The following MYOM3 variants were observed in gnomAD, a reference collection of about 807,000 sequenced individuals.
The protein encoded by MYOM3 is myomesin-3.
Under a neutral mutation model 191.7 loss-of-function variants are expected in MYOM3, and 155 were observed. The ratio of observed to expected loss-of-function variants is 0.81; its 90% CI spans 0.71 to 0.92. The LOEUF is 0.92. Ranked by LOEUF, MYOM3 falls within the 40% of genes least tolerant of loss-of-function variation. MYOM3 has a pLI of 0.00. For missense variants in MYOM3, 1,889 were observed against 1,890.6 expected, an observed-to-expected ratio of 1.00 and a Z score of 0.02; for synonymous variants, 757 against 762.9, an observed-to-expected ratio of 0.99 and a Z score of 0.13.
chr1:24,086,866 CCCAGACCGG>C (rs1482452819), intron 14 of MYOM3, 39 bp from the exon 15 acceptor site: 7 of 1,592,778 alleles, frequency 4.4e-6, no homozygotes, highest in Non-Finnish European at 6.0e-6. Flanking sequence ...TAACTGGTCG[CCCAGACCGG>C]CTCTGTGCTG....
At chr1:24,089,833 C>A (rs1643793331) in intron 13 of MYOM3, among the ~76,000 whole-genome samples, 168 bp from the exon 14 acceptor site, 1 of 152,180 alleles carries the variant, frequency 6.6e-6, no homozygotes. Context: ...GGGCTAGAAC[C>A]CAGGTCTCCC....
chr1:24,086,087 T>A (rs1269678757), intron 15 of MYOM3, among the ~76,000 whole-genome samples: 1 of 152,126 alleles, frequency 6.6e-6, no homozygotes, highest in Admixed American at 6.5e-5. Context: ...AGGATGCAGT[T>A]GCAGTTGGGA....
At chr1:24,081,194 G>T in intron 19 of MYOM3, 136 bp downstream of exon 19, 1 of 1,132,718 alleles carries the variant, frequency 8.8e-7, no homozygotes, top group South Asian at 1.7e-5. Context: ...GTTTGTGCAA[G>T]GGCCAGGGGC....
In MYOM3 at chr1:24,094,858, C is replaced by T. The variant is rs757482804; in HGVS notation, c.923G>A (p.Arg308Gln). ...VLDAESIQWF[R>Q]DGSLLRSSRR... Reference sequence around the variant, plus strand: ...CCAGGACTGGGGGTCCTTACCATCTCGGAACCACTGGATGCTCTCAGCATC... The same window carrying T: ...CCAGGACTGGGGGTCCTTACCATCTTGGAACCACTGGATGCTCTCAGCATC... Residue 308 changes from arginine (R) to glutamine (Q), a missense_variant, in exon 9 of 37, where the codon CGA becomes CAA. Physicochemically the swap from Arg to Gln is conservative, Grantham distance 43 (BLOSUM62 1). Transcript: ENST00000374434. The T allele has an allele frequency of 8.7e-6, 14 of 1,611,390 alleles. No individual in the cohort carries two copies. Among genetic ancestry groups the T allele is most frequent in the African/African-American group, 4.0e-5 (3 of 74,894 alleles).
At chr1:24,058,077 G>T (rs1038544099) in intron 36 of MYOM3, among the ~76,000 whole-genome samples, 5 of 152,168 alleles carry the variant, frequency 3.3e-5, no homozygotes, top group African/African-American at 1.2e-4. Flanking sequence ...AAAGTGCTGG[G>T]ATTACAGGCG....
chr1:24,073,657 G>A (rs1189096070), intron 23 of MYOM3, among the ~76,000 whole-genome samples: 1 of 152,142 alleles, frequency 6.6e-6, no homozygotes, highest in African/African-American at 2.4e-5. Context: ...GAGGTCAGGA[G>A]ATTGAGACCA....
At chr1:24,095,032 G>T in intron 8 of MYOM3, 42 bp from the exon 9 acceptor site, 2 of 1,595,022 alleles carry the variant, frequency 1.3e-6, no homozygotes, top group East Asian at 4.5e-5. Context: ...TTTTGAGGCA[G>T]CCAGCCTGGC....
chr1:24,090,953 G>A lies in MYOM3; in HGVS notation c.1276C>T (p.Pro426Ser). Reference sequence around the variant, plus strand: ...ATTGGGCACCGACAAGTCCCTCCGGGGGCCTCATGGCAGGCGATCCATTCC... The same window carrying A: ...ATTGGGCACCGACAAGTCCCTCCGGAGGCCTCATGGCAGGCGATCCATTCC... ...SGEWIACHEA[P>S]GGTCRCPIQG... Residue 426 changes from proline (P) to serine (S), a missense_variant, in exon 12 of 37, where the codon CCC (proline) becomes TCC (serine). Coordinates refer to ENST00000374434, the MANE Select transcript of MYOM3 (RefSeq NM_152372.4). 6.2e-7 allele frequency: 1 copy of A among 1,614,042 alleles called. No homozygotes were observed. Among genetic ancestry groups the A allele is most frequent in the Non-Finnish European group, 8.5e-7 (1 of 1,179,986 alleles).
At chr1:24,072,328 C>CA (rs1643542281) in intron 23 of MYOM3, among the ~76,000 whole-genome samples, 1 of 152,178 alleles carries the variant, frequency 6.6e-6, no homozygotes, top group African/African-American at 2.4e-5. Context: ...GCATATACTT[C>CA]ATTAGTCCTC....
chr1:24,063,016 C>T lies in MYOM3; in HGVS notation c.3770+110G>A, dbSNP rs1643390385. The T allele has an allele frequency of 1.6e-6, 1 of 626,870 alleles. No individual in the cohort carries two copies. 38.8% of individuals were successfully genotyped at this position (626,870 alleles called of 1,614,324 possible). ...CTGGGACCAGGCTCTGCTTGGGGGA[C>T]CAGAAACTCTGCTTGGAGGACCAGG... On this transcript the variant is annotated intron_variant, in intron 32 of 36. Coordinates refer to ENST00000374434, the MANE Select transcript of MYOM3 (RefSeq NM_152372.4). This position sits in a 1 kb window ranked among gnomAD's most constrained non-coding sequence, Gnocchi z 4.5.
At position 24,105,912 on chromosome 1, in the gene MYOM3, C is replaced by A; in HGVS notation, c.560+8G>T. Reference sequence around the variant, plus strand: ...GGCCCAGAACCCCTTCCTGCCCCAGCGGCTTACCAGGTGACCTGGGGTGGT... The same window carrying A: ...GGCCCAGAACCCCTTCCTGCCCCAGAGGCTTACCAGGTGACCTGGGGTGGT... On this transcript the variant is annotated splice_region_variant and intron_variant, in intron 5 of 36. Coordinates refer to ENST00000374434, the MANE Select transcript of MYOM3 (RefSeq NM_152372.4). 1 of 1,594,602 alleles carries A rather than the reference C, an allele frequency of 6.3e-7. No homozygotes were observed. Among genetic ancestry groups the A allele is most frequent in the Non-Finnish European group, 8.6e-7 (1 of 1,169,342 alleles).
In MYOM3 at chr1:24,086,648, C is replaced by T. The variant is rs201240673; in HGVS notation, c.1794G>A (p.Pro598=). ...EPSEPIALRG[P]PATLPPPAQV... Reference sequence around the variant, plus strand: ...CCCCCGGCATCAGGAGGGTACCTGGCGGGCCCCGCAAGGCGATGGGTTCGC... The same window carrying T: ...CCCCCGGCATCAGGAGGGTACCTGGTGGGCCCCGCAAGGCGATGGGTTCGC... The change falls in exon 15 of 37, where the codon CCG becomes CCA. Residue 598 remains proline, a synonymous_variant. Coordinates refer to ENST00000374434, the MANE Select transcript of MYOM3 (RefSeq NM_152372.4). 2.0e-4 allele frequency: 318 copies of T among 1,613,004 alleles called. No homozygotes were observed. In the African/African-American group the frequency reaches 3.1e-3, roughly 16 times the overall value.
In MYOM3 at chr1:24,067,014, G is replaced by T; in HGVS notation, c.3423+7C>A. On this transcript the variant is annotated splice_region_variant and intron_variant, in intron 28 of 36. Coordinates refer to ENST00000374434, the MANE Select transcript of MYOM3 (RefSeq NM_152372.4). ...TGGGCCTGGGGGCAGGGCAGGGCAGGACTTGCCTTGCACGTCAGCTGCACT... is the reference window on the plus strand; with the variant it reads ...TGGGCCTGGGGGCAGGGCAGGGCAGTACTTGCCTTGCACGTCAGCTGCACT... 1 of 1,565,008 alleles carries T rather than the reference G, an allele frequency of 6.4e-7. No individual in the cohort carries two copies. The highest frequency in any genetic ancestry group is 8.7e-7 in the Non-Finnish European group (1 of 1,153,312).
rs749319504 is a variant in MYOM3, at chr1:24,090,935, A to C, written c.1294T>G (p.Cys432Gly). The change falls in exon 12 of 37, where the codon TGC (cysteine) becomes GGC (glycine). Residue 432 changes from cysteine to glycine, a missense_variant. Coordinates refer to ENST00000374434, the MANE Select transcript of MYOM3 (RefSeq NM_152372.4). Reference protein sequence around the residue: ...CHEAPGGTCRCPIQGLVEGQS... With the variant: ...CHEAPGGTCRGPIQGLVEGQS... ...CCTTCGACGAGGCCTTGGATTGGGCACCGACAAGTCCCTCCGGGGGCCTCA... is the reference window on the plus strand; with the variant it reads ...CCTTCGACGAGGCCTTGGATTGGGCCCCGACAAGTCCCTCCGGGGGCCTCA... 46 of 1,613,978 alleles carry C rather than the reference A, an allele frequency of 2.9e-5. No homozygotes were observed. The highest frequency in any genetic ancestry group is 3.4e-5 in the Non-Finnish European group (40 of 1,180,012).
intron 1 of MYOM3, among the ~76,000 whole-genome samples, chr1:24,109,534 T>C (rs1188283355): frequency 2.0e-5 from 3 of 152,254 alleles, no homozygotes; most frequent in Non-Finnish European, 4.4e-5. Flanking sequence ...CAGACAATGC[T>C]TTCTCTATGT....
intron 24 of MYOM3, 76 bp from the exon 25 acceptor site, chr1:24,071,329 G>T (rs184810997): frequency 3.9e-4 from 590 of 1,513,590 alleles, no homozygotes; most frequent in Non-Finnish European, 5.1e-4. Context: ...CCCACCTTGA[G>T]CACACCCTTG....
chr1:24,105,797 G>A (rs373733931), intron 5 of MYOM3, 123 bp downstream of exon 5: 35 of 986,180 alleles, frequency 3.5e-5, no homozygotes, highest in South Asian at 5.6e-5. Context: ...TGCTCTATTC[G>A]GTGGGTGGAC....
intron 23 of MYOM3, 95 bp downstream of exon 23, chr1:24,074,065 T>C: frequency 1.1e-6 from 1 of 893,024 alleles, no homozygotes; most frequent in Non-Finnish European, 1.8e-6. Flanking sequence ...ATTGCCACTT[T>C]ACTCATTTTG....
intron 8 of MYOM3, 132 bp from the exon 9 acceptor site, chr1:24,095,122 G>T: frequency 1.0e-6 from 1 of 963,476 alleles, no homozygotes; most frequent in Non-Finnish European, 1.5e-6. Flanking sequence ...CCTGGCCTTG[G>T]GGTAGGAGGG....
Sources: gnomAD v4.1 joint callset for allele counts (sites outside exome capture counted in the v4.1 genomes callset) on GRCh38, gnomAD v4.1.1 for gene constraint, Gnocchi (gnomAD v3.1) non-coding constraint, MANE v1.5 for transcripts, NCBI Gene and HGNC (gene_info 2026-07-23, HGNC 2026-07-21) for gene names.